The following IQCM variants were observed in gnomAD, a reference collection of about 807,000 sequenced individuals.
IQCM encodes the protein IQ domain-containing protein M.
Under a neutral mutation model 57.6 loss-of-function variants are expected in IQCM, and 45 were observed. That is an observed-to-expected ratio of 0.78 (90% confidence interval 0.62 to 1.00). The LOEUF (loss-of-function observed/expected upper bound fraction) is 1.00, where lower values mean the gene tolerates loss of function less well. IQCM is among the 50% of genes least tolerant of loss of function. IQCM has a pLI of 0.00. For synonymous variants in IQCM, 148 were observed against 158.9 expected (o/e 0.93, Z 0.51); for missense variants, 468 against 511.6 (o/e 0.91, Z 0.82).
At chr4:149,735,703 T>C (rs911581191) in intron 3 of IQCM, among the ~76,000 whole-genome samples, 7 of 152,152 alleles carry the variant, frequency 4.6e-5, no homozygotes, top group East Asian at 1.9e-4. Flanking sequence ...GTCCTTTAAA[T>C]GTTACTGTAT....
intron 12 of IQCM, among the ~76,000 whole-genome samples, chr4:149,469,730 C>T (rs1169838276): frequency 6.6e-5 from 10 of 152,222 alleles, no homozygotes; most frequent in Admixed American, 5.9e-4. Flanking sequence ...AGAGAAAGGT[C>T]GGGTTACCCA....
At chr4:149,573,588 C>T (rs1360386116) in intron 9 of IQCM, among the ~76,000 whole-genome samples, 1 of 151,658 alleles carries the variant, frequency 6.6e-6, no homozygotes, top group Non-Finnish European at 1.5e-5. Flanking sequence ...GTGGTAGTAA[C>T]AATCTTTTAT....
intron 13 of IQCM, among the ~76,000 whole-genome samples, chr4:149,370,474 G>A (rs748391225): frequency 1.5e-4 from 22 of 151,018 alleles, no homozygotes; most frequent in Admixed American, 8.6e-4. Context: ...GTCCTCCTCC[G>A]CCCAGAGGAC....
chr4:149,479,996 A>AG (rs1491376893), intron 12 of IQCM, among the ~76,000 whole-genome samples: 1 of 152,196 alleles, frequency 6.6e-6, no homozygotes, highest in Admixed American at 6.5e-5. Context: ...TGAAGTACAA[A>AG]GAGCAACTCA....
intron 2 of IQCM, among the ~76,000 whole-genome samples, chr4:149,759,928 T>G (rs1769338702): frequency 6.6e-6 from 1 of 151,840 alleles, no homozygotes; most frequent in African/African-American, 2.4e-5. Context: ...CTGCAAAATA[T>G]GGCACAACAG....
intron 12 of IQCM, among the ~76,000 whole-genome samples, chr4:149,458,756 C>T (rs1484815526): frequency 6.6e-6 from 1 of 151,930 alleles, no homozygotes; most frequent in East Asian, 1.9e-4. Context: ...AATCTTTTCT[C>T]CATGTGGTGA....
chr4:149,372,364 G>T (rs542344882), intron 13 of IQCM, among the ~76,000 whole-genome samples: 23 of 152,172 alleles, frequency 1.5e-4, no homozygotes, highest in Admixed American at 5.2e-4. Flanking sequence ...TTAATATAAG[G>T]TGTTCCATGA....
chr4:149,725,847 A>C (rs1006143676), intron 5 of IQCM, among the ~76,000 whole-genome samples: 3 of 151,984 alleles, frequency 2.0e-5, no homozygotes, highest in Non-Finnish European at 4.4e-5. Flanking sequence ...TAAGAAACCC[A>C]AGAGCTTCTA....
chr4:149,457,720 G>A (rs958466975), intron 12 of IQCM, among the ~76,000 whole-genome samples: 3 of 151,926 alleles, frequency 2.0e-5, no homozygotes, highest in Non-Finnish European at 2.9e-5. Flanking sequence ...TGATGCCAAC[G>A]TTATGGTTTA....
chr4:149,653,463 ATG>A (rs1027269472), intron 7 of IQCM, among the ~76,000 whole-genome samples: 2 of 151,856 alleles, frequency 1.3e-5, no homozygotes, highest in African/African-American at 2.4e-5. Flanking sequence ...TATAACATAT[ATG>A]TGTGTGTGTG....
intron 5 of IQCM, among the ~76,000 whole-genome samples, chr4:149,689,256 G>T (rs1251092244): frequency 1.3e-5 from 2 of 152,200 alleles, no homozygotes; most frequent in South Asian, 2.1e-4. Context: ...CATGTCCTTT[G>T]TAGGGACATG....
chr4:149,670,851 T>C (rs547388462), intron 7 of IQCM, among the ~76,000 whole-genome samples: 3 of 152,282 alleles, frequency 2.0e-5, no homozygotes, highest in African/African-American at 4.8e-5. Context: ...TGGATAAATA[T>C]TTTGATGTGC....
intron 13 of IQCM, among the ~76,000 whole-genome samples, chr4:149,388,525 T>C (rs1731591505): frequency 7.4e-6 from 1 of 135,076 alleles, no homozygotes; most frequent in Non-Finnish European, 1.5e-5. Flanking sequence ...ATATATATTA[T>C]ATATATTATA....
chr4:149,616,993 T>C (rs555050574), intron 8 of IQCM, among the ~76,000 whole-genome samples: 5 of 151,890 alleles, frequency 3.3e-5, no homozygotes, highest in Non-Finnish European at 7.4e-5. Context: ...GTTTCACTCT[T>C]GTTGCCCAGG....
At chr4:149,519,657 G>T (rs952660786) in intron 12 of IQCM, among the ~76,000 whole-genome samples, 1 of 146,718 alleles carries the variant, frequency 6.8e-6, no homozygotes, top group African/African-American at 2.5e-5. Context: ...AAAAAAAAAA[G>T]ATTGCTTTCT....
chr4:149,704,442 T>C (rs575610423), intron 5 of IQCM, among the ~76,000 whole-genome samples: 2 of 151,960 alleles, frequency 1.3e-5, no homozygotes, highest in African/African-American at 4.8e-5. Flanking sequence ...TCTGGCCACT[T>C]CCTTGCCACA....
chr4:149,501,885 G>A (rs1265283988), intron 12 of IQCM, among the ~76,000 whole-genome samples: 1 of 152,164 alleles, frequency 6.6e-6, no homozygotes, highest in Non-Finnish European at 1.5e-5. Flanking sequence ...GCAAGGCTGA[G>A]ACCAAAAGAA....
intron 2 of IQCM, among the ~76,000 whole-genome samples, chr4:149,763,033 A>C (rs1052252166): frequency 6.6e-6 from 1 of 152,126 alleles, no homozygotes; most frequent in African/African-American, 2.4e-5. Flanking sequence ...AAGAAGTTAA[A>C]TTCAAAAGGC....
intron 12 of IQCM, among the ~76,000 whole-genome samples, chr4:149,497,625 C>G (rs1742797904): frequency 6.6e-6 from 1 of 151,922 alleles, no homozygotes; most frequent in South Asian, 2.1e-4. Flanking sequence ...CCCACTGGGT[C>G]CCTCCCACAA....
Sources: gnomAD v4.1 joint callset for allele counts (sites outside exome capture counted in the v4.1 genomes callset) on GRCh38, gnomAD v4.1.1 for gene constraint, MANE v1.5 for transcripts, NCBI Gene and HGNC (gene_info 2026-07-23, HGNC 2026-07-21) for gene names.